Variants in PTPN4 observed in about 807,000 individuals in gnomAD.
PTPN4 encodes the protein tyrosine-protein phosphatase non-receptor type 4.
PTPN4 carries 49 observed loss-of-function variants against 135.5 expected under a neutral mutation model. The observed-to-expected ratio is 0.36, with a 90% CI of 0.29 to 0.46. The LOEUF is 0.46. Among genes scored for constraint, PTPN4 ranks in the 20% least tolerant of loss-of-function variants. The probability of loss-of-function intolerance (pLI) is 1.00; values close to 1 mark genes in which losing one functional copy is unlikely to be tolerated. For synonymous variants in PTPN4, 333 were observed against 369.9 expected, an observed-to-expected ratio of 0.90 and a Z score of 1.14; for missense variants, 860 against 1,101.0, an observed-to-expected ratio of 0.78 and a Z score of 3.10.
At chr2:119,923,248 C>A (rs1374652400) in intron 12 of PTPN4, among the ~76,000 whole-genome samples, 1 of 152,084 alleles carries the variant, frequency 6.6e-6, no homozygotes, top group Non-Finnish European at 1.5e-5. Flanking sequence ...TTGGCACACA[C>A]CTGTAGTCCT....
chr2:119,872,798 G>T (rs1285095920), intron 3 of PTPN4, among the ~76,000 whole-genome samples: 1 of 152,100 alleles, frequency 6.6e-6, no homozygotes, highest in African/African-American at 2.4e-5. Flanking sequence ...TTCAAATAAT[G>T]AATGAGTTAA....
chr2:119,858,685 G>T (rs1351157057), intron 2 of PTPN4, among the ~76,000 whole-genome samples: 2 of 151,398 alleles, frequency 1.3e-5, no homozygotes, highest in African/African-American at 2.4e-5. Context: ...GTCTCGCTCT[G>T]TTGCCCAGGC....
At chr2:119,836,320 C>G (rs967830800) in intron 2 of PTPN4, among the ~76,000 whole-genome samples, 1 of 152,238 alleles carries the variant, frequency 6.6e-6, no homozygotes, top group African/African-American at 2.4e-5. Context: ...GAGCCTTAGA[C>G]ATTACACAGT....
intron 14 of PTPN4, among the ~76,000 whole-genome samples, chr2:119,932,859 G>C (rs571867762): frequency 6.6e-6 from 1 of 152,272 alleles, no homozygotes; most frequent in South Asian, 2.1e-4. Context: ...AATCTTGTAT[G>C]GTTGTTGTTG....
rs1034097136 is a variant in PTPN4, at chr2:119,982,836, C to G, written c.*5766C>G. ...CTTTTTGCCTTTTTATTCCCAATGT[C>G]TTGGACAGTTGAGACAACTTGGCCC... On this transcript the variant is annotated 3_prime_UTR_variant, in exon 27 of 27. Coordinates refer to ENST00000263708, the MANE Select transcript of PTPN4 (RefSeq NM_002830.4). 1 of 152,132 alleles carries G rather than the reference C, an allele frequency of 6.6e-6. No homozygotes were observed. Among genetic ancestry groups the G allele is most frequent in the Non-Finnish European group, 1.5e-5 (1 of 68,042 alleles). The allele number at this position is 152,132 out of a possible 1,614,324, so 9.4% of individuals were successfully genotyped here. A position where few individuals can be genotyped will look rare whatever the true frequency, so the allele number is the denominator to read the frequency against.
chr2:119,910,234 AT>A (rs1410807022), intron 10 of PTPN4, among the ~76,000 whole-genome samples: 1 of 152,104 alleles, frequency 6.6e-6, no homozygotes, highest in Non-Finnish European at 1.5e-5. Context: ...TTTTTTATAA[AT>A]TACTCTGATT....
At chr2:119,865,215 C>A (rs930386970) in intron 3 of PTPN4, among the ~76,000 whole-genome samples, 1 of 152,028 alleles carries the variant, frequency 6.6e-6, no homozygotes, top group Non-Finnish European at 1.5e-5. Flanking sequence ...AAGTAGAGTT[C>A]CAATTCTAGT....
chr2:119,919,382 A>C (rs1678704426), intron 11 of PTPN4, among the ~76,000 whole-genome samples: 1 of 152,296 alleles, frequency 6.6e-6, no homozygotes, highest in Admixed American at 6.5e-5. Flanking sequence ...TATTGTTAAA[A>C]GTTGTGATGA....
rs1679732976 is a variant in PTPN4, at chr2:119,984,194, TA to T, written c.*7126del. 6.6e-6 allele frequency among the ~76,000 whole-genome samples: 1 copy of T among 152,242 alleles called. No homozygotes were observed. Reference sequence around the variant, plus strand: ...CTCCTTATTCTCTACAGTGTAGGCTTAATTTTAGAACCGATAATTTACTATA... The same window carrying T: ...CTCCTTATTCTCTACAGTGTAGGCTTATTTTAGAACCGATAATTTACTATA... On this transcript the variant is annotated 3_prime_UTR_variant, in exon 27 of 27. Coordinates refer to ENST00000263708, the MANE Select transcript of PTPN4 (RefSeq NM_002830.4).
At chr2:119,772,969 T>G (rs1048449508) in intron 1 of PTPN4, among the ~76,000 whole-genome samples, 1 of 152,198 alleles carries the variant, frequency 6.6e-6, no homozygotes, top group Non-Finnish European at 1.5e-5. Flanking sequence ...TTCAAAACAC[T>G]TCTGAAAGTG....
chr2:119,825,282 G>A (rs1002309823), intron 2 of PTPN4, among the ~76,000 whole-genome samples: 3 of 152,154 alleles, frequency 2.0e-5, no homozygotes, highest in East Asian at 3.9e-4. Flanking sequence ...ATGGCCTTCC[G>A]TTTAGTCATA....
chr2:119,927,408 G>A (rs1013107743), intron 13 of PTPN4, among the ~76,000 whole-genome samples: 14 of 151,994 alleles, frequency 9.2e-5, no homozygotes, highest in African/African-American at 1.4e-4. Context: ...CACCACTCCC[G>A]ACCTAGCCAA....
Position 119,952,164 on chromosome 2 carries a change from T to C in PTPN4, c.1813+35T>C, listed in dbSNP as rs1679220171. 3 of 1,572,320 alleles carry C rather than the reference T, an allele frequency of 1.9e-6. No homozygotes were observed. In the East Asian group the frequency reaches 6.8e-5, roughly 36 times the overall value. On this transcript the variant is annotated intron_variant, in intron 19 of 26. Transcript: ENST00000263708. ...CTATGTAGTACCAGATAATTTATAGTAATTTATTACTGTTCATTACTGAGC... is the reference window on the plus strand; with the variant it reads ...CTATGTAGTACCAGATAATTTATAGCAATTTATTACTGTTCATTACTGAGC...
At chr2:119,820,593 T>C (rs1677051491) in intron 2 of PTPN4, among the ~76,000 whole-genome samples, 1 of 152,194 alleles carries the variant, frequency 6.6e-6, no homozygotes, top group Non-Finnish European at 1.5e-5. Context: ...TTGATGGATG[T>C]GCTCTGCTGA....
intron 15 of PTPN4, among the ~76,000 whole-genome samples, chr2:119,936,625 C>T (rs965518511): frequency 6.6e-6 from 1 of 152,148 alleles, no homozygotes; most frequent in African/African-American, 2.4e-5. Flanking sequence ...AACTGTGAGT[C>T]AATTAAACCT....
chr2:119,878,178 C>CA (rs1678013827), intron 5 of PTPN4, among the ~76,000 whole-genome samples: 1 of 152,078 alleles, frequency 6.6e-6, no homozygotes, highest in South Asian at 2.1e-4. Context: ...AGAGTATATA[C>CA]ACATGAATGA....
rs746668426 is a variant in PTPN4, at chr2:119,956,953, CTG to C, written c.2071+21_2071+22del. ...TCGCCTTGTAAGTATCTTATTGTCT[CTG>C]TTAAATTTAATCTTTTAAACATAAC... On this transcript the variant is annotated intron_variant, in intron 21 of 26. Coordinates refer to ENST00000263708, the MANE Select transcript of PTPN4 (RefSeq NM_002830.4). 108 of 1,602,808 alleles carry C rather than the reference CTG, an allele frequency of 6.7e-5. 1 individual carries two copies. In the African/African-American group the frequency reaches 1.4e-3, roughly 20 times the overall value.
At chr2:119,909,080 A>G (rs1335205802) in intron 10 of PTPN4, among the ~76,000 whole-genome samples, 1 of 152,180 alleles carries the variant, frequency 6.6e-6, no homozygotes, top group Non-Finnish European at 1.5e-5. Context: ...GGTCATCTCC[A>G]TACATAAAAG....
chr2:119,764,082 A>G (rs1345608881), intron 1 of PTPN4, among the ~76,000 whole-genome samples: 1 of 152,214 alleles, frequency 6.6e-6, no homozygotes, highest in African/African-American at 2.4e-5. Context: ...ATTATGTCTG[A>G]AAGGATCCCC....
Sources: allele counts gnomAD v4.1 joint callset (sites outside exome capture counted in the v4.1 genomes callset), GRCh38; gene constraint gnomAD v4.1.1; transcripts MANE v1.5; gene names NCBI Gene and HGNC (gene_info 2026-07-23, HGNC 2026-07-21).